The following PPP4R3A variants were observed in gnomAD, a reference collection of about 807,000 sequenced individuals.
PPP4R3A encodes serine/threonine-protein phosphatase 4 regulatory subunit 3A.
Under a neutral mutation model 91.7 loss-of-function variants are expected in PPP4R3A, and 15 were observed. The ratio of observed to expected loss-of-function variants is 0.16; its 90% CI spans 0.11 to 0.25. The LOEUF (loss-of-function observed/expected upper bound fraction) is 0.25, where lower values mean the gene tolerates loss of function less well. Among genes scored for constraint, PPP4R3A ranks in the 10% least tolerant of loss-of-function variants. The probability of loss-of-function intolerance (pLI) is 1.00; values close to 1 mark genes in which losing one functional copy is unlikely to be tolerated. For synonymous variants in PPP4R3A, 377 were observed against 348.7 expected (o/e 1.08, Z -0.91); for missense variants, 623 against 998.4 (o/e 0.62, Z 5.07).
intron 1 of PPP4R3A, among the ~76,000 whole-genome samples, chr14:91,501,171 T>C (rs1890924272): frequency 6.6e-6 from 1 of 152,238 alleles, no homozygotes; most frequent in Non-Finnish European, 1.5e-5. Flanking sequence ...GTAATTTTTA[T>C]GGTTTTATCT....
intron 11 of PPP4R3A, among the ~76,000 whole-genome samples, chr14:91,465,045 G>C: frequency 6.6e-6 from 1 of 152,190 alleles, no homozygotes. Context: ...CGCGGCCAAG[G>C]GGTTGAGGAC....
chr14:91,467,588 T>TAACAAG (rs3029504), intron 10 of PPP4R3A, among the ~76,000 whole-genome samples: 132,829 of 151,624 alleles, frequency 0.88, 58,428 homozygotes, highest in East Asian at 0.96. Flanking sequence ...TCCATGTTTT[T>TAACAAG]AACAACAAAA....
chr14:91,473,461 G>A (rs1888974408), intron 7 of PPP4R3A, 91 bp from the exon 8 acceptor site: 1 of 1,352,554 alleles, frequency 7.4e-7, no homozygotes. Flanking sequence ...ATTATACCTA[G>A]GCTCTAGCTG....
intron 1 of PPP4R3A, among the ~76,000 whole-genome samples, chr14:91,504,750 G>A (rs1415501252): frequency 6.6e-6 from 1 of 152,208 alleles, no homozygotes; most frequent in African/African-American, 2.4e-5. Flanking sequence ...AAGGTAGGTT[G>A]AGTGCCAAGT....
intron 1 of PPP4R3A, among the ~76,000 whole-genome samples, chr14:91,507,788 T>A: frequency 6.6e-6 from 1 of 151,874 alleles, no homozygotes; most frequent in Middle Eastern, 3.4e-3. Flanking sequence ...AGGTTATATG[T>A]ATTATTTTTA....
chr14:91,479,919 G>A (rs1326114805), intron 4 of PPP4R3A, among the ~76,000 whole-genome samples: 1 of 152,200 alleles, frequency 6.6e-6, no homozygotes, highest in Non-Finnish European at 1.5e-5. Flanking sequence ...ACAGGTATAA[G>A]CCACTAGGCC....
intron 14 of PPP4R3A, 107 bp from the exon 15 acceptor site, chr14:91,458,976 G>T (rs1263574163): frequency 7.9e-7 from 1 of 1,272,886 alleles, no homozygotes; most frequent in Non-Finnish European, 1.1e-6. Flanking sequence ...TAGTAACGGT[G>T]GTTATTTCTG....
At chr14:91,478,150 T>C (rs1169109408) in intron 4 of PPP4R3A, among the ~76,000 whole-genome samples, 1 of 152,208 alleles carries the variant, frequency 6.6e-6, no homozygotes, top group Admixed American at 6.5e-5. Flanking sequence ...CTTTACTTTT[T>C]CTAAAATGAA....
At chr14:91,496,102 C>T (rs1890551653) in intron 1 of PPP4R3A, among the ~76,000 whole-genome samples, 1 of 152,122 alleles carries the variant, frequency 6.6e-6, no homozygotes, top group Non-Finnish European at 1.5e-5. Context: ...TCAATTTACA[C>T]AAAGCTCACA....
chr14:91,459,250 C>T (rs999954182), intron 14 of PPP4R3A, among the ~76,000 whole-genome samples: 2 of 151,950 alleles, frequency 1.3e-5, no homozygotes, highest in East Asian at 1.9e-4. Flanking sequence ...TGATTACAGG[C>T]GCCCGCCACC....
chr14:91,470,823 A>C lies in PPP4R3A; in HGVS notation c.1660+14T>G, dbSNP rs763209895. Reference sequence around the variant, plus strand: ...TGTCAATATACAAAGATGATAAATAATTCTAACACTTACATAATGCCAAGA... The same window carrying C: ...TGTCAATATACAAAGATGATAAATACTTCTAACACTTACATAATGCCAAGA... On this transcript the variant is annotated intron_variant, in intron 10 of 14. Transcript: ENST00000554943. The C allele has an allele frequency of 7.5e-6, 12 of 1,599,724 alleles. No individual in the cohort carries two copies. The highest frequency in any genetic ancestry group is 1.8e-5 in the Admixed American group (1 of 54,640).
At chr14:91,463,084 A>G (rs1441494895) in intron 11 of PPP4R3A, among the ~76,000 whole-genome samples, 1 of 150,592 alleles carries the variant, frequency 6.6e-6, no homozygotes, top group East Asian at 1.9e-4. Context: ...TTTTTTTTTG[A>G]GATGGAGTTT....
intron 13 of PPP4R3A, 60 bp from the exon 14 acceptor site, chr14:91,461,667 A>C: frequency 6.6e-7 from 1 of 1,508,436 alleles, no homozygotes; most frequent in Non-Finnish European, 9.1e-7. Context: ...ATTTCCCCAA[A>C]TGAGGTAACA....
In PPP4R3A at chr14:91,509,884, G is replaced by T; in HGVS notation, c.-237C>A. On this transcript the variant is annotated 5_prime_UTR_variant, in exon 1 of 15. Coordinates refer to ENST00000554943, the MANE Select transcript of PPP4R3A (RefSeq NM_001366432.2). ...CCCGGCGCTATTGTCCAGGCCTGGC[G>T]AGCCCGGCGCCCGGCAGCCCCGAGG... 5.5e-6 allele frequency: 6 copies of T among 1,093,900 alleles called. No homozygotes were observed. Among genetic ancestry groups the T allele is most frequent in the Middle Eastern group, 4.1e-4 (1 of 2,458 alleles). 67.8% of individuals were successfully genotyped at this position (1,093,900 alleles called of 1,614,324 possible).
chr14:91,489,353 A>G (rs1890095871), intron 2 of PPP4R3A, among the ~76,000 whole-genome samples: 1 of 152,246 alleles, frequency 6.6e-6, no homozygotes, highest in Admixed American at 6.5e-5. Flanking sequence ...TACTAGGATA[A>G]GTGTAAAGCC....
intron 1 of PPP4R3A, among the ~76,000 whole-genome samples, chr14:91,506,934 A>G (rs1891328296): frequency 6.6e-6 from 1 of 152,212 alleles, no homozygotes; most frequent in Admixed American, 6.5e-5. Flanking sequence ...TCCCTGCTAG[A>G]TAAAAATTAA....
chr14:91,490,141 C>T (rs921924145), intron 2 of PPP4R3A, among the ~76,000 whole-genome samples: 5 of 152,288 alleles, frequency 3.3e-5, no homozygotes, highest in South Asian at 2.1e-4. Context: ...GTACGTGAAG[C>T]GCACGCGCGT....
chr14:91,486,317 C>T (rs1889877052), intron 2 of PPP4R3A, among the ~76,000 whole-genome samples: 1 of 151,248 alleles, frequency 6.6e-6, no homozygotes. Context: ...ACCTACCACC[C>T]TTTCATTCCT....
rs559344316 is a variant in PPP4R3A, at chr14:91,508,490, T to C, written c.142+1016A>G. ...AGCAACTGCAAAATATAAACTAATG[T>C]ACAAAAAGAAGTGGAAGATAACTTA... On this transcript the variant is annotated intron_variant, in intron 1 of 14. Transcript: ENST00000554943. 5.9e-5 allele frequency among the ~76,000 whole-genome samples: 9 copies of C among 152,296 alleles called. No homozygotes were observed. The South Asian group carries it at 1.9e-3, about 32-fold the overall frequency.
Sources: gnomAD v4.1 joint callset for allele counts (sites outside exome capture counted in the v4.1 genomes callset) on GRCh38, gnomAD v4.1.1 for gene constraint, MANE v1.5 for transcripts, NCBI Gene and HGNC (gene_info 2026-07-23, HGNC 2026-07-21) for gene names.